The following EPSTI1 variants were observed in gnomAD, a reference collection of about 807,000 sequenced individuals.
EPSTI1 encodes epithelial stromal interaction 1, also known as epithelial-stromal interaction protein 1.
EPSTI1 carries 66 observed loss-of-function variants against 49.9 expected under a neutral mutation model. The ratio of observed to expected loss-of-function variants is 1.32; its 90% CI spans 1.08 to 1.62. The LOEUF is 1.62. EPSTI1 is among the 40% of genes most tolerant of loss of function. EPSTI1 has a pLI of 0.00. For missense variants in EPSTI1, 394 were observed against 365.5 expected (o/e 1.08, Z -0.64); for synonymous variants, 137 against 130.7 (o/e 1.05, Z -0.33).
chr13:42,958,391 GTT>G, intron 5 of EPSTI1, among the ~76,000 whole-genome samples: 1 of 152,222 alleles, frequency 6.6e-6, no homozygotes, highest in South Asian at 2.1e-4. Context: ...TGGAAAATTT[GTT>G]TTTAAGGTGA....
Position 42,886,437 on chromosome 13 carries a change from C to A in EPSTI1, c.*2057G>T, listed in dbSNP as rs1218755571. ...GAAGTTTATTAAACATTTTATTACACACCTGTATTGCCTAAAGTTTCTATA... is the reference window on the plus strand; with the variant it reads ...GAAGTTTATTAAACATTTTATTACAAACCTGTATTGCCTAAAGTTTCTATA... On this transcript the variant is annotated 3_prime_UTR_variant, in exon 11 of 11. Coordinates refer to ENST00000313624, the MANE Select transcript of EPSTI1 (RefSeq NM_033255.5). 1 of 152,000 alleles carries A rather than the reference C, an allele frequency of 6.6e-6. No individual in the cohort carries two copies. The highest frequency in any genetic ancestry group is 1.5e-5 in the Non-Finnish European group (1 of 68,006). The allele number at this position is 152,000 out of a possible 1,614,324, so 9.4% of individuals were successfully genotyped here.
At chr13:42,979,047 A>G (rs1207901569) in intron 1 of EPSTI1, among the ~76,000 whole-genome samples, 3 of 152,210 alleles carry the variant, frequency 2.0e-5, no homozygotes, top group Non-Finnish European at 4.4e-5. Context: ...CTTAAAAATT[A>G]GTACATATTT....
intron 10 of EPSTI1, among the ~76,000 whole-genome samples, chr13:42,890,292 TTTTC>T (rs1200722710): frequency 3.1e-4 from 30 of 96,612 alleles, no homozygotes; most frequent in African/African-American, 1.1e-3. Flanking sequence ...ATTTTTTTTC[TTTTC>T]TTTTTTTTTT....
chr13:42,900,563 G>A (rs902927841), intron 8 of EPSTI1, among the ~76,000 whole-genome samples, 180 bp from the exon 9 acceptor site: 10 of 151,510 alleles, frequency 6.6e-5, no homozygotes, highest in Non-Finnish European at 1.5e-4. Flanking sequence ...AATAACTGTG[G>A]CTTAGTCAAA....
At chr13:42,901,898 C>A (rs200245703) in intron 8 of EPSTI1, among the ~76,000 whole-genome samples, 2 of 151,950 alleles carry the variant, frequency 1.3e-5, no homozygotes, top group Non-Finnish European at 2.9e-5. Context: ...GTATATCTCC[C>A]AATGCTATCC....
At chr13:42,947,910 C>G (rs1207725795) in intron 6 of EPSTI1, among the ~76,000 whole-genome samples, 2 of 152,234 alleles carry the variant, frequency 1.3e-5, no homozygotes, top group African/African-American at 4.8e-5. Flanking sequence ...CCGTTAAGGC[C>G]TTGGTCCATT....
intron 1 of EPSTI1, among the ~76,000 whole-genome samples, chr13:42,973,669 T>C (rs1232882955): frequency 1.3e-5 from 2 of 152,206 alleles, no homozygotes; most frequent in Non-Finnish European, 2.9e-5. Context: ...GAAGAGCAAG[T>C]ATAATTTATT....
At chr13:42,967,433 C>T (rs1295655731) in intron 3 of EPSTI1, among the ~76,000 whole-genome samples, 2 of 152,122 alleles carry the variant, frequency 1.3e-5, no homozygotes, top group Admixed American at 1.3e-4. Flanking sequence ...TGAGATGAGT[C>T]CTCAAGAAGA....
chr13:42,977,492 T>C (rs1451080735), intron 1 of EPSTI1, among the ~76,000 whole-genome samples: 1 of 152,206 alleles, frequency 6.6e-6, no homozygotes, highest in Non-Finnish European at 1.5e-5. Flanking sequence ...TAAGTGGTGG[T>C]AGACAAATAG....
chr13:42,902,635 T>C (rs2037393420), intron 8 of EPSTI1, among the ~76,000 whole-genome samples: 1 of 152,196 alleles, frequency 6.6e-6, no homozygotes, highest in Admixed American at 6.5e-5. Context: ...AACCTTAATA[T>C]TTTCAAATAC....
chr13:42,978,121 C>T (rs1211705755), intron 1 of EPSTI1, among the ~76,000 whole-genome samples: 7 of 151,924 alleles, frequency 4.6e-5, no homozygotes, highest in Admixed American at 3.9e-4. Context: ...CCACTGCACT[C>T]CAGCCTGGGC....
At position 42,948,079 on chromosome 13, in the gene EPSTI1, C is replaced by G. The variant is rs150430474; in HGVS notation, c.563+5869G>C. Among the ~76,000 whole-genome samples, 971 of 152,374 alleles carry G rather than the reference C, an allele frequency of 6.4e-3. 14 individuals are homozygous for G. The highest frequency in any genetic ancestry group is 0.022 in the African/African-American group (895 of 41,594). ...CACAGCGCTCTCCACGGTGTTCCCG[C>G]AGCTGCCAGGCTTCCCACCCTGCAC... On this transcript the variant is annotated intron_variant, in intron 6 of 10. Transcript: ENST00000313624.
chr13:42,932,687 G>T (rs1200259818), intron 6 of EPSTI1, among the ~76,000 whole-genome samples: 2 of 151,250 alleles, frequency 1.3e-5, no homozygotes, highest in Non-Finnish European at 2.9e-5. Flanking sequence ...GCAAAAGTTT[G>T]CAGATAACAG....
intron 8 of EPSTI1, among the ~76,000 whole-genome samples, chr13:42,910,186 C>A (rs140624530): frequency 1.0e-4 from 15 of 148,436 alleles, no homozygotes; most frequent in African/African-American, 3.5e-4. Context: ...TGTCCCATAA[C>A]GTATTTTCTA....
At chr13:42,964,795 G>A (rs1449927906) in intron 3 of EPSTI1, among the ~76,000 whole-genome samples, 2 of 152,116 alleles carry the variant, frequency 1.3e-5, no homozygotes, top group African/African-American at 4.8e-5. Flanking sequence ...AGAATTTGGG[G>A]CCAGAAATCC....
intron 5 of EPSTI1, among the ~76,000 whole-genome samples, chr13:42,960,907 C>T (rs369235647): frequency 4.0e-4 from 61 of 152,262 alleles, no homozygotes; most frequent in Middle Eastern, 3.4e-3. Context: ...TTGCAGGATA[C>T]GCTCTCTATT....
intron 8 of EPSTI1, among the ~76,000 whole-genome samples, chr13:42,906,554 C>T (rs1324421370): frequency 6.6e-6 from 1 of 152,164 alleles, no homozygotes; most frequent in Non-Finnish European, 1.5e-5. Flanking sequence ...AGAGTTGAGA[C>T]CATGAAGTCA....
chr13:42,891,957 G>A (rs2037048041), intron 10 of EPSTI1, among the ~76,000 whole-genome samples: 1 of 152,244 alleles, frequency 6.6e-6, no homozygotes, highest in Non-Finnish European at 1.5e-5. Flanking sequence ...GGGGACTGCA[G>A]GAGCCAGGGT....
chr13:42,919,227 C>A (rs1315442305), intron 7 of EPSTI1: 45 of 1,450,634 alleles, frequency 3.1e-5, no homozygotes, highest in South Asian at 8.1e-5. Flanking sequence ...TAAAGGTCCA[C>A]AGAAACTGGG....
Sources: allele counts gnomAD v4.1 joint callset (sites outside exome capture counted in the v4.1 genomes callset), GRCh38; gene constraint gnomAD v4.1.1; transcripts MANE v1.5; gene names NCBI Gene and HGNC (gene_info 2026-07-23, HGNC 2026-07-21).